LRP1: variants seen among roughly 807,000 people sequenced by gnomAD.
LRP1 encodes prolow-density lipoprotein receptor-related protein 1.
In LRP1, 51 loss-of-function variants were observed where a neutral mutation model predicts 541.5. The ratio of observed to expected loss-of-function variants is 0.09; its 90% confidence interval spans 0.08 to 0.12. LRP1 has a LOEUF of 0.12. LRP1 is among the 10% of genes least tolerant of loss of function. The pLI, the probability that LRP1 is intolerant of heterozygous loss-of-function variation, is 1.00. For missense variants in LRP1, 3,878 were observed against 6,376.2 expected, an observed-to-expected ratio of 0.61 and a Z score of 13.34; for synonymous variants, 2,219 against 2,470.8, an observed-to-expected ratio of 0.90 and a Z score of 3.02.
Position 57,211,863 on chromosome 12 carries a change from G to T in LRP1, c.13258+49G>T. On this transcript the variant is annotated intron_variant, in intron 86 of 88. Transcript: ENST00000243077. This position sits in a 1 kb window ranked among gnomAD's most constrained non-coding sequence, Gnocchi z 4.3. ...GCAGGGCCACCGGGACCTAGAGCAG[G>T]GGGACCGTGTGCCTCCTGCTTCCCT... The T allele has an allele frequency of 6.2e-7, 1 of 1,613,554 alleles. No homozygotes were observed. Among genetic ancestry groups the T allele is most frequent in the Non-Finnish European group, 8.5e-7 (1 of 1,179,834 alleles).
At position 57,156,873 on chromosome 12, in the gene LRP1, G is replaced by A. The variant is rs780842387; in HGVS notation, c.1514G>A (p.Arg505His). The A allele has an allele frequency of 1.1e-5, 17 of 1,597,650 alleles. No homozygotes were observed. Among genetic ancestry groups the A allele is most frequent in the Admixed American group, 1.7e-5 (1 of 59,850 alleles). The change falls in exon 10 of 89, where the codon CGC becomes CAC. Residue 505 changes from arginine to histidine, a missense_variant. Arg to His is a conservative substitution (Grantham distance 29). Around this residue, in one of 13 missense-constraint regions of LRP1, gnomAD observed 496 missense variants for 861.0 expected, o/e 0.58. Transcript: ENST00000243077. This position sits in a 1 kb window ranked among gnomAD's most constrained non-coding sequence, Gnocchi z 5.2. ...AACAGCCACAAGGCGCGGACCTGCCGCTGCCGTTCCGGCTTCAGCCTGGGC... is the reference window on the plus strand; with the variant it reads ...AACAGCCACAAGGCGCGGACCTGCCACTGCCGTTCCGGCTTCAGCCTGGGC... ...LANSHKARTC[R>H]CRSGFSLGSD...
In LRP1 at chr12:57,185,229, G is replaced by A. The variant is rs764252045; in HGVS notation, c.6463+24G>A. The A allele has an allele frequency of 3.1e-5, 50 of 1,613,274 alleles. No homozygotes were observed. Among genetic ancestry groups the A allele is most frequent in the Non-Finnish European group, 4.1e-5 (48 of 1,179,544 alleles). ...AGGTGAGGCTGGGGCTCTGGGCTGG[G>A]GTGGAGAGGTGAGGGGGACTCTGGC... is the stretch of plus-strand genomic sequence containing the variant. On this transcript the variant is annotated intron_variant, in intron 40 of 88. Transcript: ENST00000243077. This position sits in a 1 kb window ranked among gnomAD's most constrained non-coding sequence, Gnocchi z 4.9.
chr12:57,183,994 AGAG>A lies in LRP1; in HGVS notation c.5930-87_5930-85del, dbSNP rs2036219367. Reference sequence around the variant, plus strand: ...AGAGGAGGAGTTGGCGGGAGCAGGAAGAGGAGCTGTAGGGGTGCCTGGGAGCTT... The same window carrying A: ...AGAGGAGGAGTTGGCGGGAGCAGGAAGAGCTGTAGGGGTGCCTGGGAGCTT... On this transcript the variant is annotated intron_variant, in intron 36 of 88. Coordinates refer to ENST00000243077, the MANE Select transcript of LRP1 (RefSeq NM_002332.3). This position sits in a 1 kb window ranked among gnomAD's most constrained non-coding sequence, Gnocchi z 6.1. The A allele has an allele frequency of 9.3e-6, 15 of 1,604,564 alleles. No individual in the cohort carries two copies. Among genetic ancestry groups the A allele is most frequent in the African/African-American group, 1.3e-5 (1 of 74,960 alleles).
chr12:57,172,882 T>G (rs1482281072), intron 20 of LRP1, among the ~76,000 whole-genome samples: 2 of 152,114 alleles, frequency 1.3e-5, no homozygotes, highest in African/African-American at 4.8e-5. Flanking sequence ...GCTAAGGAGG[T>G]GGGCATTTGG....
At position 57,185,877 on chromosome 12, in the gene LRP1, C is replaced by T. The variant is rs577105714; in HGVS notation, c.6810C>T (p.Asp2270=). The change falls in exon 41 of 89, where the codon GAC becomes GAT. Residue 2270 remains aspartate, a synonymous_variant. Coordinates refer to ENST00000243077, the MANE Select transcript of LRP1 (RefSeq NM_002332.3). The surrounding 1 kb of genome is among the most constrained non-coding windows in gnomAD (Gnocchi z 4.9). ...TTGGGAACATCCAACAGATCAACGA[C>T]GATGGCTCCAGGAGGATCACCATTG... ...IHFGNIQQIN[D]DGSRRITIVE... The T allele has an allele frequency of 1.2e-5, 19 of 1,614,016 alleles. No homozygotes were observed. The highest frequency in any genetic ancestry group is 7.7e-5 in the South Asian group (7 of 91,064).
At position 57,185,919 on chromosome 12, in the gene LRP1, A is replaced by G; in HGVS notation, c.6841+11A>G. 1 of 1,605,322 alleles carries G rather than the reference A, an allele frequency of 6.2e-7. No individual in the cohort carries two copies. The highest frequency in any genetic ancestry group is 1.7e-4 in the Middle Eastern group (1 of 6,028). On this transcript the variant is annotated intron_variant, in intron 41 of 88. Coordinates refer to ENST00000243077, the MANE Select transcript of LRP1 (RefSeq NM_002332.3). This position sits in a 1 kb window ranked among gnomAD's most constrained non-coding sequence, Gnocchi z 4.9. ...TCACCATTGTGGAAAGTGAGCCCAG[A>G]CCCTAAGTCTTCCCAGGAAGTGGGA...
Position 57,138,591 on chromosome 12 carries a change from T to G in LRP1, c.190+10T>G. On this transcript the variant is annotated intron_variant, in intron 2 of 88. Transcript: ENST00000243077. The stretch of plus-strand genomic sequence containing the variant: ...GAGGCCCCTGAGATTTGTAAGTACC[T>G]TTTCTGGATTCTTCTCCCCAAACCC... 3 of 1,613,438 alleles carry G rather than the reference T, an allele frequency of 1.9e-6. No individual in the cohort carries two copies. The South Asian group carries it at 3.3e-5, about 18-fold the overall frequency.
chr12:57,161,187 C>A, intron 13 of LRP1, 72 bp downstream of exon 13: 1 of 1,442,658 alleles, frequency 6.9e-7, no homozygotes, highest in South Asian at 1.2e-5. Context: ...GGATGAGGTT[C>A]TGTGTGAGTA....
intron 2 of LRP1, among the ~76,000 whole-genome samples, chr12:57,139,951 G>A (rs2035252664): frequency 1.3e-5 from 2 of 152,334 alleles, no homozygotes; most frequent in African/African-American, 2.4e-5. Flanking sequence ...TGTGTAAGCA[G>A]ACTCCCATCC....
intron 24 of LRP1, among the ~76,000 whole-genome samples, chr12:57,176,533 T>C (rs2036050661): frequency 6.6e-6 from 1 of 152,262 alleles, no homozygotes; most frequent in East Asian, 1.9e-4. Flanking sequence ...AACAGGCTGT[T>C]TTCAGTTGTG....
chr12:57,138,393 G>A (rs1244370727), intron 1 of LRP1, 66 bp from the exon 2 acceptor site: 2 of 1,580,032 alleles, frequency 1.3e-6, no homozygotes, highest in Non-Finnish European at 8.6e-7. Flanking sequence ...CAGTACTAGG[G>A]GACTTTGGGT....
In LRP1 at chr12:57,173,914, C is replaced by G; in HGVS notation, c.3481C>G (p.Pro1161Ala). The G allele has an allele frequency of 1.2e-6, 2 of 1,614,220 alleles. No individual in the cohort carries two copies. The highest frequency in any genetic ancestry group is 1.7e-6 in the Non-Finnish European group (2 of 1,180,044). Residue 1161 changes from proline to alanine, a missense_variant, in exon 22 of 89, where the codon CCC becomes GCC. Coordinates refer to ENST00000243077, the MANE Select transcript of LRP1 (RefSeq NM_002332.3). The surrounding 1 kb of genome is among the most constrained non-coding windows in gnomAD (Gnocchi z 4.7). ...PCANNTSVCLPPDKLCDGNDD... is the reference protein window; with the variant it reads ...PCANNTSVCLAPDKLCDGNDD... ...TGCCAACAACACCTCAGTCTGCCTGCCCCCTGACAAGCTGTGTGATGGCAA... is the reference window on the plus strand; with the variant it reads ...TGCCAACAACACCTCAGTCTGCCTGGCCCCTGACAAGCTGTGTGATGGCAA...
chr12:57,177,072 T>C lies in LRP1; in HGVS notation c.4023T>C (p.Tyr1341=). 6.2e-7 allele frequency: 1 copy of C among 1,614,196 alleles called. No homozygotes were observed. The highest frequency in any genetic ancestry group is 2.2e-5 in the East Asian group (1 of 44,890). ...ALTSFEVVIQ[Y]GLATPEGLAV... ...CTAGTTTCGAGGTGGTGATTCAGTA[T>C]GGCCTGGCCACACCCGAGGGCCTGG... Residue 1341 remains tyrosine, a synonymous_variant, in exon 25 of 89, where the codon TAT becomes TAC. Coordinates refer to ENST00000243077, the MANE Select transcript of LRP1 (RefSeq NM_002332.3). The surrounding 1 kb of genome is among the most constrained non-coding windows in gnomAD (Gnocchi z 6.8).
At position 57,173,518 on chromosome 12, in the gene LRP1, G is replaced by A. The variant is rs1170067692; in HGVS notation, c.3346+168G>A. On this transcript the variant is annotated intron_variant, in intron 21 of 88. Coordinates refer to ENST00000243077, the MANE Select transcript of LRP1 (RefSeq NM_002332.3). The surrounding 1 kb of genome is among the most constrained non-coding windows in gnomAD (Gnocchi z 4.7). ...GAGGAAGCTTGTGTGTCATGGGTGG[G>A]GGAAGGCATGAAGGGCCAGAGCCTG... Among the ~76,000 whole-genome samples the A allele has an allele frequency of 6.6e-6, 1 of 152,190 alleles. No individual in the cohort carries two copies. Among genetic ancestry groups the A allele is most frequent in the East Asian group, 1.9e-4 (1 of 5,198 alleles).
At position 57,187,410 on chromosome 12, in the gene LRP1, T is replaced by G; in HGVS notation, c.6985T>G (p.Ser2329Ala). The G allele has an allele frequency of 2.5e-6, 4 of 1,614,068 alleles. No individual in the cohort carries two copies. The highest frequency in any genetic ancestry group is 2.5e-6 in the Non-Finnish European group (3 of 1,180,014). The change falls in exon 42 of 89, where the codon TCT (serine) becomes GCT (alanine). Residue 2329 changes from serine to alanine, a missense_variant. Physicochemically the swap from Ser to Ala is moderately conservative, Grantham distance 99. This residue lies in a region of LRP1 where 1,100 missense variants were observed against 1,827.4 expected (regional missense o/e 0.60). Transcript: ENST00000243077. ...CGAGCGTGAGACCGTCATCACTATG[T>G]CTGGAGATGACCACCCACGGGCCTT... is the stretch of plus-strand genomic sequence containing the variant. ...AFERETVITM[S>A]GDDHPRAFVL... is the part of the protein sequence containing the mutation.
rs188273465 is a variant in LRP1 at position 57,185,410 on chromosome 12, G to C, written c.6464-121G>C. On this transcript the variant is annotated intron_variant, in intron 40 of 88. Coordinates refer to ENST00000243077, the MANE Select transcript of LRP1 (RefSeq NM_002332.3). The surrounding 1 kb of genome is among the most constrained non-coding windows in gnomAD (Gnocchi z 4.9). ...TGGCATTGGACTCTGGGCCCTGGAG[G>C]GTCATTCAAGCTGGGAATACCGAGG... 1.4e-3 allele frequency: 1,891 copies of C among 1,362,116 alleles called. 5 individuals are homozygous for C. Among genetic ancestry groups the C allele is most frequent in the Admixed American group, 3.6e-3 (142 of 39,728 alleles). The allele number at this position is 1,362,116 out of a possible 1,614,324, so 84.4% of individuals were successfully genotyped here.
At chr12:57,159,721 G>A (rs750828640) in intron 11 of LRP1, 104 bp from the exon 12 acceptor site, 11 of 1,170,366 alleles carry the variant, frequency 9.4e-6, no homozygotes, top group Non-Finnish European at 1.4e-5. Flanking sequence ...GCACCCCTCT[G>A]TAGCCCAGAC....
At chr12:57,169,374 CATCT>C (rs2035901356) in intron 20 of LRP1, 67 bp downstream of exon 20, 1 of 1,454,372 alleles carries the variant, frequency 6.9e-7, no homozygotes, top group Non-Finnish European at 9.3e-7. Context: ...CCAGCCTATC[CATCT>C]GTCTTTCAGA....
intron 34 of LRP1, among the ~76,000 whole-genome samples, chr12:57,181,969 A>C (rs2136706763): frequency 6.6e-6 from 1 of 152,328 alleles, no homozygotes; most frequent in African/African-American, 2.4e-5. Context: ...TACCAAAAGA[A>C]ACTCTGAGTT....
Sources: gnomAD v4.1 joint callset for allele counts (sites outside exome capture counted in the v4.1 genomes callset) on GRCh38, gnomAD v4.1.1 for gene constraint, gnomAD v4.1.1 regional missense constraint, Gnocchi (gnomAD v3.1) non-coding constraint, MANE v1.5 for transcripts, NCBI Gene and HGNC (gene_info 2026-07-23, HGNC 2026-07-21) for gene names.